The following CHLSN variants were observed in gnomAD, a reference collection of about 807,000 sequenced individuals.
CHLSN encodes protein cholesin.
chr7:1,076,522 C>T, the CHLSN span, among the ~76,000 whole-genome samples: 3 of 152,342 alleles, frequency 2.0e-5, no homozygotes, highest in Middle Eastern at 6.8e-3. Flanking sequence ...GACTGGGCAC[C>T]GTGTAAAGAG....
chr7:986,473 G>C, the CHLSN span: 1 of 860,288 alleles, frequency 1.2e-6, no homozygotes, highest in Non-Finnish European at 1.8e-6. Context: ...CCTCCCTTGA[G>C]GGCTAAGGGT....
chr7:997,610 C>G, the CHLSN span: 1 of 1,561,450 alleles, frequency 6.4e-7, no homozygotes. Context: ...GCGGCCCCGC[C>G]CCGCGCTGAA....
the CHLSN span, among the ~76,000 whole-genome samples, chr7:1,070,682 C>T: frequency 6.8e-6 from 1 of 147,218 alleles, no homozygotes; most frequent in Admixed American, 6.7e-5. Flanking sequence ...CACACGTGCA[C>T]GATACACATG....
chr7:1,032,224 A>G, the CHLSN span, among the ~76,000 whole-genome samples: 3 of 152,236 alleles, frequency 2.0e-5, no homozygotes, highest in African/African-American at 4.8e-5. Context: ...CGTCCCTCGC[A>G]CTCGGCCCGC....
chr7:1,069,148 ATGGAGAAACCCCGTC>A, the CHLSN span, among the ~76,000 whole-genome samples: 1 of 152,150 alleles, frequency 6.6e-6, no homozygotes, highest in African/African-American at 2.4e-5. Context: ...GCTTTACCAC[ATGGAGAAACCCCGTC>A]TGTACTAAAA....
At chr7:1,110,099 G>A in the CHLSN span, among the ~76,000 whole-genome samples, 17 of 152,184 alleles carry the variant, frequency 1.1e-4, no homozygotes, top group East Asian at 2.9e-3. Context: ...AGAGGCGAGC[G>A]GGTGCCCACA....
chr7:988,495 G>A, the CHLSN span: 62 of 1,600,746 alleles, frequency 3.9e-5, no homozygotes, highest in South Asian at 1.6e-4. Flanking sequence ...TCCGCCTGCC[G>A]CCTCTGCACC....
chr7:1,135,238 C>G, the CHLSN span, among the ~76,000 whole-genome samples: 6 of 152,140 alleles, frequency 3.9e-5, no homozygotes, highest in Non-Finnish European at 7.4e-5. Flanking sequence ...CAAATACCAA[C>G]TAGACGCTGA....
chr7:1,126,171 T>C, the CHLSN span, among the ~76,000 whole-genome samples: 255 of 150,760 alleles, frequency 1.7e-3, no homozygotes, highest in African/African-American at 5.5e-3. Flanking sequence ...CCATCCCAGC[T>C]AACATGGTGA....
At chr7:1,114,881 G>A in the CHLSN span, among the ~76,000 whole-genome samples, 2 of 152,378 alleles carry the variant, frequency 1.3e-5, no homozygotes, top group Admixed American at 1.3e-4. Flanking sequence ...GCACAAAGCA[G>A]CTGCTCTCAC....
At chr7:1,028,269 C>A in the CHLSN span, 2 of 1,091,488 alleles carry the variant, frequency 1.8e-6, no homozygotes, top group South Asian at 2.1e-5. Context: ...TCTGACCCGG[C>A]TGTCAGGTCC....
chr7:1,030,158 G>A, the CHLSN span, among the ~76,000 whole-genome samples: 1 of 152,210 alleles, frequency 6.6e-6, no homozygotes, highest in Admixed American at 6.5e-5. Flanking sequence ...AGCCCACACA[G>A]TCACCTGCCT....
chr7:1,127,935 T>A, the CHLSN span, among the ~76,000 whole-genome samples: 1 of 49,018 alleles, frequency 2.0e-5, no homozygotes, highest in Admixed American at 1.6e-4. Flanking sequence ...TGGCGCCATC[T>A]CGGCTCATCC....
chr7:1,012,448 T>G, the CHLSN span, among the ~76,000 whole-genome samples: 1 of 152,360 alleles, frequency 6.6e-6, no homozygotes, highest in African/African-American at 2.4e-5. Flanking sequence ...TCCCGCAGGC[T>G]TCCTGAGCGC....
At chr7:988,245 C>T in the CHLSN span, 1 of 1,550,314 alleles carries the variant, frequency 6.5e-7, no homozygotes. Context: ...TTCCCCGGGG[C>T]CCCTCTCTCT....
chr7:986,482 G>A, the CHLSN span: 1 of 937,788 alleles, frequency 1.1e-6, no homozygotes, highest in Non-Finnish European at 1.6e-6. Flanking sequence ...AGGGCTAAGG[G>A]TCCCCCCGTT....
chr7:1,099,892 C>T, the CHLSN span, among the ~76,000 whole-genome samples: 131 of 152,214 alleles, frequency 8.6e-4, no homozygotes, highest in Non-Finnish European at 1.4e-3. Flanking sequence ...ACGCACCTGA[C>T]GGCGGGGACT....
the CHLSN span, chr7:997,347 G>T: frequency 7.7e-6 from 3 of 387,736 alleles, no homozygotes; most frequent in Non-Finnish European, 9.1e-6. Context: ...AAGGCCAGGG[G>T]TCCGGGTGAT....
At chr7:1,076,517 G>A in the CHLSN span, among the ~76,000 whole-genome samples, 1 of 152,232 alleles carries the variant, frequency 6.6e-6, no homozygotes, top group Non-Finnish European at 1.5e-5. Flanking sequence ...AGGCGGACTG[G>A]GCACCGTGTA....
Sources: allele counts gnomAD v4.1 joint callset (sites outside exome capture counted in the v4.1 genomes callset), GRCh38; gene constraint gnomAD v4.1.1; transcripts MANE v1.5; gene names NCBI Gene and HGNC (gene_info 2026-07-23, HGNC 2026-07-21).